The following GRID2 variants were observed in gnomAD, a reference collection of about 807,000 sequenced individuals.
GRID2 encodes glutamate ionotropic receptor delta type subunit 2.
Under a neutral mutation model 114.8 loss-of-function variants are expected in GRID2, and 33 were observed. The ratio of observed to expected loss-of-function variants is 0.29; its 90% confidence interval spans 0.22 to 0.38. GRID2 has a LOEUF of 0.38. Ranked by LOEUF, GRID2 falls within the 10% of genes least tolerant of loss-of-function variation. The probability of loss-of-function intolerance (pLI) is 1.00; values close to 1 mark genes in which losing one functional copy is unlikely to be tolerated. For synonymous variants in GRID2, 505 were observed against 449.9 expected, an observed-to-expected ratio of 1.12 and a Z score of -1.55; for missense variants, 1,184 against 1,257.7, an observed-to-expected ratio of 0.94 and a Z score of 0.89.
intron 13 of GRID2, among the ~76,000 whole-genome samples, chr4:93,524,505 A>AT (rs1260292621): frequency 6.6e-6 from 1 of 151,930 alleles, no homozygotes; most frequent in African/African-American, 2.4e-5. Context: ...GTAGAGTTGG[A>AT]TTTTTTTAAA....
At chr4:93,005,071 G>A (rs1721371726) in intron 2 of GRID2, among the ~76,000 whole-genome samples, 1 of 151,982 alleles carries the variant, frequency 6.6e-6, no homozygotes, top group Non-Finnish European at 1.5e-5. Flanking sequence ...AAATTTACCA[G>A]TGTTTCTACT....
intron 1 of GRID2, among the ~76,000 whole-genome samples, chr4:92,318,088 C>G (rs1314916930): frequency 1.3e-5 from 2 of 151,582 alleles, no homozygotes; most frequent in Admixed American, 6.6e-5. Context: ...ATATTATAGA[C>G]CATGAAGAGG....
chr4:93,302,136 T>C (rs1222243456), intron 8 of GRID2, among the ~76,000 whole-genome samples: 1 of 152,214 alleles, frequency 6.6e-6, no homozygotes, highest in Admixed American at 6.5e-5. Flanking sequence ...TTTGTTCTTA[T>C]GTTTTTGCTT....
intron 2 of GRID2, among the ~76,000 whole-genome samples, chr4:92,736,172 A>C (rs1052491750): frequency 1.3e-5 from 2 of 152,144 alleles, no homozygotes; most frequent in African/African-American, 4.8e-5. Flanking sequence ...AGGTAAGAGC[A>C]TCAGAATCAT....
At chr4:93,319,966 G>A (rs899204343) in intron 8 of GRID2, among the ~76,000 whole-genome samples, 1 of 152,052 alleles carries the variant, frequency 6.6e-6, no homozygotes, top group Non-Finnish European at 1.5e-5. Flanking sequence ...CTATAGAACT[G>A]TGAGATAACA....
chr4:93,367,843 C>T (rs768285919), intron 8 of GRID2, among the ~76,000 whole-genome samples: 7 of 151,952 alleles, frequency 4.6e-5, no homozygotes, highest in South Asian at 2.1e-4. Flanking sequence ...TTAAATGTCA[C>T]GATTGTGAGT....
At chr4:92,678,759 T>C (rs1227244370) in intron 2 of GRID2, among the ~76,000 whole-genome samples, 1 of 152,062 alleles carries the variant, frequency 6.6e-6, no homozygotes, top group Non-Finnish European at 1.5e-5. Context: ...ACGTTTGCTA[T>C]GTATCGGATA....
At chr4:93,131,444 G>A (rs922311578) in intron 4 of GRID2, among the ~76,000 whole-genome samples, 5 of 151,586 alleles carry the variant, frequency 3.3e-5, no homozygotes, top group East Asian at 1.9e-4. Context: ...GAGCCACCAC[G>A]CCTGCCCAAT....
At chr4:93,322,197 T>C (rs901266604) in intron 8 of GRID2, among the ~76,000 whole-genome samples, 16 of 152,076 alleles carry the variant, frequency 1.1e-4, no homozygotes, top group African/African-American at 3.1e-4. Context: ...CCCTCCCCGC[T>C]TCCCCCACCC....
intron 2 of GRID2, among the ~76,000 whole-genome samples, chr4:92,807,118 A>G (rs1740457536): frequency 6.6e-6 from 1 of 152,050 alleles, no homozygotes; most frequent in African/African-American, 2.4e-5. Flanking sequence ...TTATATGATC[A>G]TGCCTCAATA....
intron 9 of GRID2, among the ~76,000 whole-genome samples, chr4:93,397,778 A>G (rs569710769): frequency 1.3e-5 from 2 of 152,038 alleles, no homozygotes; most frequent in African/African-American, 4.8e-5. Context: ...TAACCTATGT[A>G]CCTCCTCTCA....
chr4:92,834,944 A>G (rs1156906349), intron 2 of GRID2, among the ~76,000 whole-genome samples: 1 of 152,110 alleles, frequency 6.6e-6, no homozygotes, highest in South Asian at 2.1e-4. Flanking sequence ...TCGCCTTGGA[A>G]ATGTATGATG....
At chr4:92,354,402 T>G (rs180805347) in intron 1 of GRID2, among the ~76,000 whole-genome samples, 1 of 152,132 alleles carries the variant, frequency 6.6e-6, no homozygotes, top group African/African-American at 2.4e-5. Flanking sequence ...CTGCCTACTC[T>G]GTAATTTTGC....
chr4:92,740,675 A>G (rs1378573025), intron 2 of GRID2, among the ~76,000 whole-genome samples: 1 of 80,268 alleles, frequency 1.2e-5, no homozygotes, highest in Admixed American at 1.6e-4. Context: ...TATTCTGCAT[A>G]GATAGATAGA....
At chr4:92,341,962 G>A (rs1727515671) in intron 1 of GRID2, among the ~76,000 whole-genome samples, 1 of 151,482 alleles carries the variant, frequency 6.6e-6, no homozygotes, top group African/African-American at 2.4e-5. Flanking sequence ...TACCAAGATG[G>A]TCATCCATTG....
chr4:92,676,366 A>G (rs966820776), intron 2 of GRID2, among the ~76,000 whole-genome samples: 4 of 151,112 alleles, frequency 2.6e-5, no homozygotes, highest in African/African-American at 7.3e-5. Context: ...TTTTTTAGTA[A>G]AGACGGGGTT....
chr4:92,715,111 T>C (rs1331458307), intron 2 of GRID2, among the ~76,000 whole-genome samples: 1 of 152,206 alleles, frequency 6.6e-6, no homozygotes, highest in Non-Finnish European at 1.5e-5. Context: ...TCTTTTGCTG[T>C]GCTGCTTAGA....
intron 14 of GRID2, among the ~76,000 whole-genome samples, chr4:93,652,630 A>G (rs1161999318): frequency 6.6e-6 from 1 of 151,988 alleles, no homozygotes; most frequent in Non-Finnish European, 1.5e-5. Flanking sequence ...ACCATGACAA[A>G]AATCACCTAA....
At chr4:93,664,007 G>A (rs1019663683) in intron 14 of GRID2, among the ~76,000 whole-genome samples, 1 of 152,176 alleles carries the variant, frequency 6.6e-6, no homozygotes, top group South Asian at 2.1e-4. Flanking sequence ...AGTGGAATGA[G>A]TTGTGGATCA....
Sources: gnomAD v4.1 joint callset for allele counts (sites outside exome capture counted in the v4.1 genomes callset) on GRCh38, gnomAD v4.1.1 for gene constraint, MANE v1.5 for transcripts, NCBI Gene and HGNC (gene_info 2026-07-23, HGNC 2026-07-21) for gene names.